Variants in MAST2 observed in about 807,000 individuals in gnomAD.
MAST2 encodes microtubule associated serine/threonine kinase 2, also known as microtubule-associated serine/threonine-protein kinase 2.
A neutral mutation model predicts 147.4 loss-of-function variants in MAST2; 70 were observed. The observed-to-expected ratio is 0.47, with a 90% CI of 0.39 to 0.58. The LOEUF (loss-of-function observed/expected upper bound fraction) is 0.58, where lower values mean the gene tolerates loss of function less well. MAST2 is among the 20% of genes least tolerant of loss of function. The pLI is 0.00. For missense variants in MAST2, 2,080 were observed against 2,302.3 expected (o/e 0.90, Z 1.98); for synonymous variants, 869 against 896.8 (o/e 0.97, Z 0.55).
intron 4 of MAST2, among the ~76,000 whole-genome samples, chr1:45,928,921 A>T (rs1427674988): frequency 6.6e-6 from 1 of 150,778 alleles, no homozygotes; most frequent in East Asian, 1.9e-4. Flanking sequence ...TGCTGATTGC[A>T]TCCTTCAGAG....
chr1:46,002,763 G>A (rs1467948092), intron 6 of MAST2, 42 bp from the exon 7 acceptor site: 1 of 1,572,846 alleles, frequency 6.4e-7, no homozygotes. Context: ...GGGTCAGGGT[G>A]TAGTCCTGCA....
At chr1:45,959,507 A>G (rs770589664) in intron 5 of MAST2, 30 bp downstream of exon 5, 1 of 1,587,548 alleles carries the variant, frequency 6.3e-7, no homozygotes, top group South Asian at 1.1e-5. Flanking sequence ...GAAAGGTTGA[A>G]TGAAAGAGTG....
chr1:45,993,223 A>G (rs914322026), intron 5 of MAST2, among the ~76,000 whole-genome samples: 11 of 152,044 alleles, frequency 7.2e-5, no homozygotes, highest in African/African-American at 2.7e-4. Flanking sequence ...TAAGTTTCCC[A>G]TTGCTCTTCA....
intron 3 of MAST2, among the ~76,000 whole-genome samples, chr1:45,858,418 G>A (rs796509286): frequency 6.6e-6 from 1 of 152,002 alleles, no homozygotes; most frequent in Non-Finnish European, 1.5e-5. Context: ...CTTCTTTTGA[G>A]AAGTGTCTGT....
At chr1:46,020,201 A>C (rs1159371027) in intron 11 of MAST2, among the ~76,000 whole-genome samples, 2 of 152,226 alleles carry the variant, frequency 1.3e-5, no homozygotes, top group African/African-American at 4.8e-5. Flanking sequence ...GTCAGTACAC[A>C]GCGTAACGGG....
At position 45,997,764 on chromosome 1, in the gene MAST2, T is replaced by G; in HGVS notation, c.633T>G (p.Asn211Lys). 1 of 1,614,174 alleles carries G rather than the reference T, an allele frequency of 6.2e-7. No individual in the cohort carries two copies. The highest frequency in any genetic ancestry group is 8.5e-7 in the Non-Finnish European group (1 of 1,179,992). ...ACAGCCCCCGGAATTTCTCTCCAAA[T>G]GCACCTGCTCACTTTTCTTTTGTTC... is the stretch of plus-strand genomic sequence containing the variant. ...PLDSPRNFSP[N>K]APAHFSFVPA... Residue 211 changes from asparagine (N) to lysine (K), a missense_variant, in exon 6 of 29, where the codon AAT (asparagine) becomes AAG (lysine). Around this residue, in one of 4 missense-constraint regions of MAST2, gnomAD observed 569 missense variants for 642.5 expected, o/e 0.89. Transcript: ENST00000361297.
chr1:45,937,279 T>C (rs1351975914), intron 4 of MAST2, among the ~76,000 whole-genome samples: 1 of 151,856 alleles, frequency 6.6e-6, no homozygotes, highest in Non-Finnish European at 1.5e-5. Context: ...TTTAAAATTT[T>C]ATTTATTTAC....
intron 4 of MAST2, 125 bp downstream of exon 4, chr1:45,882,520 C>T (rs1570524915): frequency 1.4e-6 from 1 of 708,022 alleles, no homozygotes; most frequent in African/African-American, 1.8e-5. Context: ...GTACTCCTAT[C>T]TGAGCTAGGG....
intron 18 of MAST2, 199 bp downstream of exon 18, chr1:46,029,132 A>G (rs148720186): frequency 1.5e-5 from 9 of 598,180 alleles, no homozygotes; most frequent in Non-Finnish European, 2.6e-5. Flanking sequence ...GGGGCTTCAC[A>G]TGTCTCTCAT....
chr1:46,031,206 T>A lies in MAST2; in HGVS notation c.2908T>A (p.Ser970Thr). The change falls in exon 23 of 29, where the codon TCT (serine) becomes ACT (threonine). Residue 970 changes from serine (S) to threonine (T), a missense_variant. Ser to Thr is a moderately conservative substitution (Grantham distance 58). Around this residue, in one of 4 missense-constraint regions of MAST2, gnomAD observed 1,278 missense variants for 1,304.2 expected, o/e 0.98. Transcript: ENST00000361297. The surrounding 1 kb of genome is among the most constrained non-coding windows in gnomAD (Gnocchi z 4.1). ...GACACCCCCATCTGGAGAGGGGGTA[T>A]CTGGGCCTGTCACTGAACACTCAGG... ...VLTPPSGEGV[S>T]GPVTEHSGEQ... The A allele has an allele frequency of 6.4e-7, 1 of 1,560,330 alleles. No homozygotes were observed. Among genetic ancestry groups the A allele is most frequent in the South Asian group, 1.2e-5 (1 of 83,848 alleles).
intron 4 of MAST2, among the ~76,000 whole-genome samples, chr1:45,949,418 A>T (rs2148851954): frequency 6.6e-6 from 1 of 152,362 alleles, no homozygotes; most frequent in Admixed American, 6.5e-5. Context: ...ACGTGAACAG[A>T]TACTTTTCAA....
intron 16 of MAST2, among the ~76,000 whole-genome samples, chr1:46,027,065 T>C (rs1571266292): frequency 6.6e-6 from 1 of 152,250 alleles, no homozygotes; most frequent in Admixed American, 6.5e-5. Context: ...AGGCATGACT[T>C]TGTTTTGGAC....
intron 2 of MAST2, among the ~76,000 whole-genome samples, chr1:45,827,596 G>T (rs1367726190): frequency 6.6e-6 from 1 of 152,118 alleles, no homozygotes; most frequent in African/African-American, 2.4e-5. Flanking sequence ...AAGGAAAGAA[G>T]GCAGGCAGGC....
In MAST2 at chr1:46,028,653, G is replaced by A. The variant is rs370530612; in HGVS notation, c.2053-115G>A. On this transcript the variant is annotated intron_variant, in intron 17 of 28. Transcript: ENST00000361297. ...TGATCTTGTTCATTAACTAAGGTGG[G>A]CTGAGTCTTCATTCAGAGATTCTTC... 5 of 1,063,030 alleles carry A rather than the reference G, an allele frequency of 4.7e-6. No individual in the cohort carries two copies. The African/African-American group carries it at 4.7e-5, about 10-fold the overall frequency. 65.8% of individuals were successfully genotyped at this position (1,063,030 alleles called of 1,614,324 possible). A position where few individuals can be genotyped will look rare whatever the true frequency, so the allele number is the denominator to read the frequency against.
chr1:45,862,460 T>A (rs549799587), intron 3 of MAST2, among the ~76,000 whole-genome samples: 228 of 152,174 alleles, frequency 1.5e-3, no homozygotes, highest in Non-Finnish European at 1.5e-3. Flanking sequence ...GTTTTTTACT[T>A]AATTTTTTAG....
In MAST2 at chr1:45,924,369, G is replaced by A. The variant is rs902311811; in HGVS notation, c.501-35017G>A. Among the ~76,000 whole-genome samples, 7 of 152,156 alleles carry A rather than the reference G, an allele frequency of 4.6e-5. No homozygotes were observed. In the East Asian group the frequency reaches 5.8e-4, roughly 13 times the overall value. ...CTTACTCAATTTATTAAGCAAATTA[G>A]CAAGTAAAGTAGAAAGATGAGAAAA... On this transcript the variant is annotated intron_variant, in intron 4 of 28. Coordinates refer to ENST00000361297, the MANE Select transcript of MAST2 (RefSeq NM_015112.3).
At chr1:45,909,513 T>C (rs1403525948) in intron 4 of MAST2, among the ~76,000 whole-genome samples, 1 of 151,602 alleles carries the variant, frequency 6.6e-6, no homozygotes, top group Non-Finnish European at 1.5e-5. Context: ...TTCTATATCG[T>C]CTTTTTTTTT....
chr1:45,847,260 T>G, intron 3 of MAST2: 1 of 510,212 alleles, frequency 2.0e-6, no homozygotes, highest in South Asian at 1.5e-5. Flanking sequence ...CTCCATCGTC[T>G]GCTTGATGAT....
At chr1:45,969,420 A>G (rs1053349614) in intron 5 of MAST2, among the ~76,000 whole-genome samples, 16 of 152,176 alleles carry the variant, frequency 1.1e-4, no homozygotes, top group African/African-American at 3.6e-4. Flanking sequence ...GCCACACAGT[A>G]GGAGGTAAGC....
Sources: allele counts gnomAD v4.1 joint callset (sites outside exome capture counted in the v4.1 genomes callset), GRCh38; gene constraint gnomAD v4.1.1; regional missense constraint gnomAD v4.1.1; non-coding constraint Gnocchi (gnomAD v3.1); transcripts MANE v1.5; gene names NCBI Gene and HGNC (gene_info 2026-07-23, HGNC 2026-07-21).